SDHC: variants seen among roughly 807,000 people sequenced by gnomAD.
SDHC encodes the protein succinate dehydrogenase complex subunit C, also known as succinate dehydrogenase cytochrome b560 subunit, mitochondrial.
In SDHC, 11 loss-of-function variants were observed where a neutral mutation model predicts 22.6. That is an observed-to-expected ratio of 0.49 (90% CI 0.31 to 0.81). The LOEUF (loss-of-function observed/expected upper bound fraction) is 0.81, where lower values mean the gene tolerates loss of function less well. Ranked by LOEUF, SDHC falls within the 30% of genes least tolerant of loss-of-function variation. The pLI, the probability that SDHC is intolerant of heterozygous loss-of-function variation, is 0.05. For synonymous variants in SDHC, 80 were observed against 77.8 expected, an observed-to-expected ratio of 1.03 and a Z score of -0.15; for missense variants, 160 against 212.0, an observed-to-expected ratio of 0.75 and a Z score of 1.52.
chr1:161,321,828 G>A (rs761546106), intron 1 of SDHC, among the ~76,000 whole-genome samples: 1 of 152,154 alleles, frequency 6.6e-6, no homozygotes, highest in African/African-American at 2.4e-5. Context: ...GTGTCCTAGT[G>A]CCTTGCAAGT....
chr1:161,357,218 C>T (rs1211406350), intron 5 of SDHC, among the ~76,000 whole-genome samples: 1 of 151,652 alleles, frequency 6.6e-6, no homozygotes, highest in East Asian at 2.0e-4. Flanking sequence ...TGAGCCACCG[C>T]GCCCAGCTAG....
chr1:161,361,871 A>G (rs1461951602), intron 5 of SDHC, among the ~76,000 whole-genome samples: 1 of 147,456 alleles, frequency 6.8e-6, no homozygotes, highest in African/African-American at 2.5e-5. Context: ...AAAACTGTTT[A>G]GAAAGTCTTG....
Position 161,363,151 on chromosome 1 carries a change from C to T in SDHC, c.*718C>T, listed in dbSNP as rs1454247656. 1 of 233,774 alleles carries T rather than the reference C, an allele frequency of 4.3e-6. No homozygotes were observed. The highest frequency in any genetic ancestry group is 8.4e-6 in the Non-Finnish European group (1 of 118,492). The allele number at this position is 233,774 out of a possible 1,614,324, so 14.5% of individuals were successfully genotyped here. The stretch of plus-strand genomic sequence containing the variant: ...TATGCTTTCTCATCGAAGTAATGTA[C>T]CCTTTTTTTCTGAAACTGAATTAAA... On this transcript the variant is annotated 3_prime_UTR_variant, in exon 6 of 6. Coordinates refer to ENST00000367975, the MANE Select transcript of SDHC (RefSeq NM_003001.5).
chr1:161,314,591 C>T (rs946274204), intron 1 of SDHC, 166 bp downstream of exon 1: 4 of 770,416 alleles, frequency 5.2e-6, no homozygotes, highest in Admixed American at 4.4e-5. Flanking sequence ...TCCCGTCCCC[C>T]CCAGCCGCTC....
intron 3 of SDHC, among the ~76,000 whole-genome samples, chr1:161,333,114 C>T (rs1420859131): frequency 1.3e-5 from 2 of 152,192 alleles, no homozygotes; most frequent in African/African-American, 4.8e-5. Flanking sequence ...TGACTGGCTT[C>T]TTTTACTTAC....
chr1:161,348,972 A>G (rs1672004499), intron 4 of SDHC, among the ~76,000 whole-genome samples: 1 of 152,204 alleles, frequency 6.6e-6, no homozygotes, highest in Non-Finnish European at 1.5e-5. Context: ...GCAATAATGA[A>G]TGAGTCTAGG....
At chr1:161,334,036 C>T (rs767791622) in intron 3 of SDHC, among the ~76,000 whole-genome samples, 1 of 152,190 alleles carries the variant, frequency 6.6e-6, no homozygotes, top group Non-Finnish European at 1.5e-5. Context: ...CTTAAAACAA[C>T]ACAAATTTAT....
chr1:161,359,138 C>T (rs1408964016), intron 5 of SDHC, among the ~76,000 whole-genome samples: 1 of 151,772 alleles, frequency 6.6e-6, no homozygotes, highest in Non-Finnish European at 1.5e-5. Flanking sequence ...TGTAGTCTCC[C>T]TAGTTTTGCT....
intron 4 of SDHC, among the ~76,000 whole-genome samples, chr1:161,350,816 C>G (rs972054826): frequency 6.6e-6 from 1 of 152,142 alleles, no homozygotes; most frequent in African/African-American, 2.4e-5. Context: ...CTTCCCCTTT[C>G]CAACAGTTTT....
intron 3 of SDHC, among the ~76,000 whole-genome samples, chr1:161,335,750 A>T (rs1354332838): frequency 6.6e-6 from 1 of 152,186 alleles, no homozygotes; most frequent in Non-Finnish European, 1.5e-5. Context: ...GGTAGCATAT[A>T]TATGTATGCA....
intron 4 of SDHC, among the ~76,000 whole-genome samples, chr1:161,348,779 AG>A (rs751582794): frequency 1.7e-3 from 262 of 151,862 alleles, no homozygotes; most frequent in Non-Finnish European, 3.2e-3. Context: ...CAGAGGTTGC[AG>A]TGAGCTAGGA....
intron 1 of SDHC, among the ~76,000 whole-genome samples, chr1:161,315,722 G>A (rs1001919189): frequency 3.3e-5 from 5 of 152,084 alleles, no homozygotes; most frequent in Admixed American, 2.0e-4. Context: ...GGGATGGGTC[G>A]CCCCTCCACA....
chr1:161,331,126 A>G (rs932880086), intron 3 of SDHC, among the ~76,000 whole-genome samples: 3 of 151,946 alleles, frequency 2.0e-5, no homozygotes, highest in Non-Finnish European at 2.9e-5. Flanking sequence ...CCTTCTGATG[A>G]GATGGTTGAG....
chr1:161,353,662 C>T (rs1672167112), intron 4 of SDHC, among the ~76,000 whole-genome samples: 1 of 152,056 alleles, frequency 6.6e-6, no homozygotes, highest in South Asian at 2.1e-4. Flanking sequence ...TATTTCTTAG[C>T]CATTGAGTAG....
At position 161,362,579 on chromosome 1, in the gene SDHC, T is replaced by C; in HGVS notation, c.*146T>C. The stretch of plus-strand genomic sequence containing the variant: ...TTCAGATCTCCTTGGAGCAGTAGAG[T>C]ACCTGGTAGACCATAATAGTGGAAA... On this transcript the variant is annotated 3_prime_UTR_variant, in exon 6 of 6. Transcript: ENST00000367975. 6.2e-7 allele frequency: 1 copy of C among 1,608,954 alleles called. No homozygotes were observed. The highest frequency in any genetic ancestry group is 1.1e-5 in the South Asian group (1 of 90,508).
At chr1:161,334,866 A>G (rs188835029) in intron 3 of SDHC, among the ~76,000 whole-genome samples, 47 of 152,344 alleles carry the variant, frequency 3.1e-4, no homozygotes, top group East Asian at 3.9e-4. Flanking sequence ...TCTGCCTACT[A>G]CAACTTCTTA....
intron 1 of SDHC, among the ~76,000 whole-genome samples, chr1:161,323,153 C>G (rs369299088): frequency 2.2e-4 from 34 of 152,218 alleles, no homozygotes; most frequent in African/African-American, 7.5e-4. Flanking sequence ...CATGCGCCAC[C>G]ACGCCTGGCT....
At chr1:161,359,434 G>A (rs745833137) in intron 5 of SDHC, among the ~76,000 whole-genome samples, 4 of 152,206 alleles carry the variant, frequency 2.6e-5, no homozygotes, top group Non-Finnish European at 5.9e-5. Context: ...TGAGGGGGAG[G>A]CAGTAGAGAG....
intron 4 of SDHC, among the ~76,000 whole-genome samples, chr1:161,347,005 AT>A (rs1335418812): frequency 6.6e-6 from 1 of 152,142 alleles, no homozygotes; most frequent in African/African-American, 2.4e-5. Context: ...AAAACCATTC[AT>A]TTCCCCCACC....
Sources: gnomAD v4.1 joint callset for allele counts (sites outside exome capture counted in the v4.1 genomes callset) on GRCh38, gnomAD v4.1.1 for gene constraint, MANE v1.5 for transcripts, NCBI Gene and HGNC (gene_info 2026-07-23, HGNC 2026-07-21) for gene names.